The following SYNE2 variants were observed in gnomAD, a reference collection of about 807,000 sequenced individuals.
SYNE2 encodes the protein spectrin repeat containing nuclear envelope protein 2.
In SYNE2, 431 loss-of-function variants were observed where a neutral mutation model predicts 856.3. The observed-to-expected ratio is 0.50, with a 90% CI of 0.47 to 0.55. The LOEUF (loss-of-function observed/expected upper bound fraction) is 0.55, where lower values mean the gene tolerates loss of function less well. SYNE2 is among the 20% of genes least tolerant of loss of function. The pLI is 0.00. For synonymous variants in SYNE2, 2,923 were observed against 2,872.3 expected, an observed-to-expected ratio of 1.02 and a Z score of -0.56; for missense variants, 8,129 against 8,023.2, an observed-to-expected ratio of 1.01 and a Z score of -0.50.
At chr14:64,017,328 C>CAAAAA (rs34399201) in intron 33 of SYNE2, among the ~76,000 whole-genome samples, 60 of 66,520 alleles carry the variant, frequency 9.0e-4, no homozygotes, top group East Asian at 1.5e-3. Flanking sequence ...GACTCCATCT[C>CAAAAA]AAAAAAAAAA....
intron 32 of SYNE2, among the ~76,000 whole-genome samples, chr14:64,011,939 T>A (rs1187702610): frequency 1.3e-5 from 2 of 152,172 alleles, no homozygotes; most frequent in Non-Finnish European, 2.9e-5. Context: ...GTGGCTATCA[T>A]AACTGGACCT....
chr14:64,126,632 C>T lies in SYNE2; in HGVS notation c.13742C>T (p.Ala4581Val), dbSNP rs769686910. The change falls in exon 73 of 116, where the codon GCG (alanine) becomes GTG (valine). Residue 4581 changes from alanine to valine, a missense_variant. Physicochemically the swap from Ala to Val is moderately conservative, Grantham distance 64. Coordinates refer to ENST00000555002, the MANE Select transcript of SYNE2 (RefSeq NM_182914.3). Reference sequence around the variant, plus strand: ...CTTGAGTTGAAGAAACTTTATTTAGCGCTAAGTGACAAGAAGGGTGATCTT... The same window carrying T: ...CTTGAGTTGAAGAAACTTTATTTAGTGCTAAGTGACAAGAAGGGTGATCTT... ...LALELKKLYL[A>V]LSDKKGDLLK... 9 of 1,614,162 alleles carry T rather than the reference C, an allele frequency of 5.6e-6. No individual in the cohort carries two copies. Among genetic ancestry groups the T allele is most frequent in the South Asian group, 3.3e-5 (3 of 91,088 alleles).
chr14:63,776,806 G>A (rs541379402), intron 1 of SYNE2, among the ~76,000 whole-genome samples: 12 of 151,972 alleles, frequency 7.9e-5, no homozygotes, highest in African/African-American at 1.9e-4. Flanking sequence ...TCACCATCTC[G>A]GCCAGGCTGG....
chr14:63,818,400 C>T (rs1418153337), intron 1 of SYNE2, among the ~76,000 whole-genome samples: 1 of 151,030 alleles, frequency 6.6e-6, no homozygotes, highest in Non-Finnish European at 1.5e-5. Context: ...AGTCTGTAGT[C>T]CCAGCTACTC....
In SYNE2 at chr14:64,210,130, C is replaced by G; in HGVS notation, c.18723+6C>G. The G allele has an allele frequency of 1.9e-6, 3 of 1,612,550 alleles. No individual in the cohort carries two copies. The highest frequency in any genetic ancestry group is 2.5e-6 in the Non-Finnish European group (3 of 1,179,092). ...CCGTCCTGCGGAGACTCAGGGTGAGCTCCTCTGCACCTGGCTCGGGTGTAG... is the reference window on the plus strand; with the variant it reads ...CCGTCCTGCGGAGACTCAGGGTGAGGTCCTCTGCACCTGGCTCGGGTGTAG... On this transcript the variant is annotated splice_donor_region_variant and intron_variant, in intron 103 of 115. Transcript: ENST00000555002.
intron 34 of SYNE2, 103 bp from the exon 35 acceptor site, chr14:64,019,889 C>A: frequency 1.2e-6 from 1 of 807,480 alleles, no homozygotes; most frequent in Non-Finnish European, 2.1e-6. Context: ...ATGGGAAATT[C>A]AAGGGCTCTC....
At chr14:63,949,754 G>C in intron 6 of SYNE2, 71 bp from the exon 7 acceptor site, 1 of 1,525,050 alleles carries the variant, frequency 6.6e-7, no homozygotes, top group Non-Finnish European at 9.1e-7. Flanking sequence ...TCTCTATTTT[G>C]ACTGGAAATT....
intron 61 of SYNE2, among the ~76,000 whole-genome samples, chr14:64,095,694 C>T (rs1427912026): frequency 6.6e-6 from 1 of 152,018 alleles, no homozygotes; most frequent in Non-Finnish European, 1.5e-5. Flanking sequence ...AACCATTGGC[C>T]CTTGGTATGC....
chr14:64,142,206 G>A, intron 82 of SYNE2, 118 bp downstream of exon 82: 1 of 1,201,524 alleles, frequency 8.3e-7, no homozygotes, highest in Non-Finnish European at 1.2e-6. Context: ...CTAGGGGTAG[G>A]AAACTGGGGT....
intron 96 of SYNE2, among the ~76,000 whole-genome samples, chr14:64,179,633 C>T (rs1289166128): frequency 2.0e-5 from 3 of 152,094 alleles, no homozygotes; most frequent in African/African-American, 7.2e-5. Context: ...GATAGTATCT[C>T]TTTATAGTTT....
chr14:63,814,837 C>T (rs1206068213), intron 1 of SYNE2, among the ~76,000 whole-genome samples: 19 of 37,460 alleles, frequency 5.1e-4, no homozygotes, highest in African/African-American at 1.4e-3. Flanking sequence ...TATCCATATA[C>T]ATATCTCCAT....
At chr14:63,910,426 T>C (rs924763534) in intron 2 of SYNE2, among the ~76,000 whole-genome samples, 4 of 152,220 alleles carry the variant, frequency 2.6e-5, no homozygotes, top group Non-Finnish European at 5.9e-5. Flanking sequence ...TTGTATACTT[T>C]GTGTAGAGTA....
chr14:63,779,120 G>C (rs969406605), intron 1 of SYNE2, among the ~76,000 whole-genome samples: 30 of 151,598 alleles, frequency 2.0e-4, no homozygotes, highest in African/African-American at 7.0e-4. Context: ...AGGAGTTCGA[G>C]ATCAGCCTGG....
chr14:64,077,686 ATTAT>A (rs1217752377), intron 54 of SYNE2, among the ~76,000 whole-genome samples: 2 of 152,138 alleles, frequency 1.3e-5, no homozygotes, highest in Non-Finnish European at 2.9e-5. Context: ...AGCATAAAGT[ATTAT>A]TTGGTTATTT....
At chr14:64,035,097 G>C (rs565616719) in intron 45 of SYNE2, among the ~76,000 whole-genome samples, 1 of 151,510 alleles carries the variant, frequency 6.6e-6, no homozygotes, top group East Asian at 1.9e-4. Flanking sequence ...TATCATTGAC[G>C]TAATTGTTAG....
intron 70 of SYNE2, chr14:64,122,662 T>G (rs555075653): frequency 7.6e-4 from 475 of 628,346 alleles, no homozygotes; most frequent in Admixed American, 4.0e-3. Context: ...TCCGCCTGTT[T>G]GTTTATAGTC....
At position 63,976,546 on chromosome 14, in the gene SYNE2, T is replaced by C; in HGVS notation, c.1129-17T>C. ...TTCTACTGAAGAATATGTTCTTTTT[T>C]TTTTTTTTTTTTTCAGATTAATGCA... On this transcript the variant is annotated splice_polypyrimidine_tract_variant and intron_variant, in intron 11 of 115. Transcript: ENST00000555002. 1 of 1,577,596 alleles carries C rather than the reference T, an allele frequency of 6.3e-7. No individual in the cohort carries two copies. Among genetic ancestry groups the C allele is most frequent in the Non-Finnish European group, 8.6e-7 (1 of 1,162,360 alleles).
At chr14:64,135,873 C>G (rs927606349) in intron 78 of SYNE2, among the ~76,000 whole-genome samples, 1 of 152,156 alleles carries the variant, frequency 6.6e-6, no homozygotes, top group East Asian at 1.9e-4. Flanking sequence ...TCATCTTGAT[C>G]AGCCGTCGTC....
In SYNE2 at chr14:63,983,759, T is replaced by C. The variant is rs368463904; in HGVS notation, c.2024T>C (p.Ile675Thr). 2.5e-6 allele frequency: 4 copies of C among 1,612,812 alleles called. No homozygotes were observed. The highest frequency in any genetic ancestry group is 2.7e-5 in the African/African-American group (2 of 74,976). The change falls in exon 18 of 116, where the codon ATA (isoleucine) becomes ACA (threonine). Residue 675 changes from isoleucine (I) to threonine (T), a missense_variant. Transcript: ENST00000555002. The stretch of plus-strand genomic sequence containing the variant: ...TAGGAAATGAACCTGCCACTGATGA[T>C]AAAAAAACAGGATCAGCCCACTTTT... ...TQLEMNLPLM[I>T]KKQDQPTFDN... is the part of the protein sequence containing the mutation.
Sources: gnomAD v4.1 joint callset for allele counts (sites outside exome capture counted in the v4.1 genomes callset) on GRCh38, gnomAD v4.1.1 for gene constraint, MANE v1.5 for transcripts, NCBI Gene and HGNC (gene_info 2026-07-23, HGNC 2026-07-21) for gene names.